The following STIM2 variants were observed in gnomAD, a reference collection of about 807,000 sequenced individuals.
The protein encoded by STIM2 is stromal interaction molecule 2.
STIM2 carries 31 observed loss-of-function variants against 85.8 expected under a neutral mutation model. That is an observed-to-expected ratio of 0.36 (90% CI 0.27 to 0.49). The LOEUF (loss-of-function observed/expected upper bound fraction) is 0.49. Ranked by LOEUF, STIM2 falls within the 20% of genes least tolerant of loss-of-function variation. STIM2 has a pLI of 0.98. For synonymous variants in STIM2, 356 were observed against 331.1 expected (o/e 1.08, Z -0.82); for missense variants, 841 against 927.6 (o/e 0.91, Z 1.21).
chr4:26,872,235 C>T (rs148332412), intron 1 of STIM2, among the ~76,000 whole-genome samples: 11 of 151,634 alleles, frequency 7.3e-5, no homozygotes, highest in East Asian at 3.9e-4. Flanking sequence ...ATGAGTGGTC[C>T]GAGATTAGTT....
At chr4:26,980,502 C>T (rs2109112922) in intron 3 of STIM2, among the ~76,000 whole-genome samples, 1 of 150,506 alleles carries the variant, frequency 6.6e-6, no homozygotes, top group Admixed American at 6.6e-5. Flanking sequence ...CAGTTCGTGC[C>T]TCTGGATCTG....
At chr4:26,929,983 C>G (rs1001108426) in intron 2 of STIM2, among the ~76,000 whole-genome samples, 2 of 152,112 alleles carry the variant, frequency 1.3e-5, no homozygotes, top group African/African-American at 4.8e-5. Context: ...GAATAAATGT[C>G]TGATAACTTT....
chr4:27,002,859 A>G, intron 6 of STIM2, 68 bp from the exon 7 acceptor site: 1 of 1,306,222 alleles, frequency 7.7e-7, no homozygotes, highest in Non-Finnish European at 1.0e-6. Context: ...CCCAGTATTC[A>G]TTATTTTGTA....
chr4:26,888,414 T>C (rs771138170), intron 1 of STIM2, among the ~76,000 whole-genome samples: 8 of 152,210 alleles, frequency 5.3e-5, no homozygotes, highest in Non-Finnish European at 8.8e-5. Context: ...TAAAGTTAGC[T>C]ATTATTAATA....
chr4:26,860,977 G>T lies in STIM2; in HGVS notation c.-242G>T. On this transcript the variant is annotated 5_prime_UTR_variant, in exon 1 of 12. Coordinates refer to ENST00000467087, the MANE Select transcript of STIM2 (RefSeq NM_020860.4). ...GAACCAATGAACGCAGCCGGGATCAGAGCTCCGGAGGCCGCCGGTGCCGAT... is the reference window on the plus strand; with the variant it reads ...GAACCAATGAACGCAGCCGGGATCATAGCTCCGGAGGCCGCCGGTGCCGAT... 7.8e-7 allele frequency: 1 copy of T among 1,276,700 alleles called. No individual in the cohort carries two copies. The highest frequency in any genetic ancestry group is 1.0e-6 in the Non-Finnish European group (1 of 1,000,522). 79.1% of individuals were successfully genotyped at this position (1,276,700 alleles called of 1,614,324 possible).
intron 10 of STIM2, among the ~76,000 whole-genome samples, chr4:27,012,555 T>C (rs759637063): frequency 6.6e-6 from 1 of 152,114 alleles, no homozygotes; most frequent in Non-Finnish European, 1.5e-5. Flanking sequence ...GAAATGCCGT[T>C]GGATTTGGTG....
chr4:26,907,262 A>G (rs1044381320), intron 1 of STIM2, among the ~76,000 whole-genome samples: 1 of 152,210 alleles, frequency 6.6e-6, no homozygotes, highest in African/African-American at 2.4e-5. Context: ...AACACTTAGA[A>G]CTATATAGTT....
At chr4:26,987,391 C>A (rs1727618011) in intron 3 of STIM2, among the ~76,000 whole-genome samples, 1 of 152,116 alleles carries the variant, frequency 6.6e-6, no homozygotes, top group African/African-American at 2.4e-5. Flanking sequence ...TAGAAATTGC[C>A]CTTTTGATAG....
At chr4:26,980,803 A>G (rs1727357163) in intron 3 of STIM2, among the ~76,000 whole-genome samples, 1 of 152,212 alleles carries the variant, frequency 6.6e-6, no homozygotes, top group Non-Finnish European at 1.5e-5. Flanking sequence ...AAAAGGTATC[A>G]TAAGTATTTT....
intron 1 of STIM2, among the ~76,000 whole-genome samples, chr4:26,891,600 C>G (rs1446083420): frequency 6.9e-6 from 1 of 145,092 alleles, no homozygotes; most frequent in African/African-American, 2.7e-5. Context: ...CACACACACC[C>G]CCTTTTGGTT....
intron 11 of STIM2, chr4:27,021,069 G>A (rs1728891595): frequency 6.6e-7 from 1 of 1,520,516 alleles, no homozygotes; most frequent in Admixed American, 2.0e-5. Context: ...AAAAAAAAAA[G>A]TGAGTAAGAT....
intron 2 of STIM2, among the ~76,000 whole-genome samples, chr4:26,931,980 A>G (rs1017570590): frequency 6.6e-6 from 1 of 152,334 alleles, no homozygotes; most frequent in East Asian, 1.9e-4. Context: ...AAATTTATAG[A>G]TTTATATACT....
chr4:27,014,003 A>C (rs1728647662), intron 10 of STIM2, among the ~76,000 whole-genome samples: 2 of 152,050 alleles, frequency 1.3e-5, no homozygotes, highest in African/African-American at 4.8e-5. Context: ...CTGAGTTTTA[A>C]AATTTATTGG....
chr4:26,953,699 A>T (rs1019602591), intron 2 of STIM2, among the ~76,000 whole-genome samples: 2 of 152,048 alleles, frequency 1.3e-5, no homozygotes, highest in African/African-American at 4.8e-5. Flanking sequence ...TCCTGGTGCT[A>T]TGTCTTTCCC....
At chr4:26,955,693 G>A (rs1308589183) in intron 2 of STIM2, among the ~76,000 whole-genome samples, 1 of 147,966 alleles carries the variant, frequency 6.8e-6, no homozygotes, top group Non-Finnish European at 1.5e-5. Flanking sequence ...GATTTTTTTA[G>A]TTTAGTACTT....
chr4:26,920,454 C>T (rs1173169090), intron 2 of STIM2, among the ~76,000 whole-genome samples: 2 of 152,188 alleles, frequency 1.3e-5, no homozygotes, highest in Non-Finnish European at 2.9e-5. Context: ...AAGTTGGCTT[C>T]TTTGAGTGTT....
At chr4:26,903,433 GA>G (rs774572684) in intron 1 of STIM2, among the ~76,000 whole-genome samples, 8 of 152,034 alleles carry the variant, frequency 5.3e-5, no homozygotes, top group Non-Finnish European at 1.0e-4. Flanking sequence ...ACTTGTACTT[GA>G]TTTTTGCAAA....
At chr4:26,995,706 G>A (rs995024108) in intron 4 of STIM2, among the ~76,000 whole-genome samples, 1 of 151,862 alleles carries the variant, frequency 6.6e-6, no homozygotes, top group Non-Finnish European at 1.5e-5. Context: ...TATTTCCAAG[G>A]AACATGATTT....
intron 2 of STIM2, among the ~76,000 whole-genome samples, chr4:26,955,680 A>G (rs1308376831): frequency 6.7e-6 from 1 of 148,326 alleles, no homozygotes; most frequent in African/African-American, 2.6e-5. Flanking sequence ...AACAGATTAC[A>G]TAGATTTTTT....
Sources: gnomAD v4.1 joint callset for allele counts (sites outside exome capture counted in the v4.1 genomes callset) on GRCh38, gnomAD v4.1.1 for gene constraint, MANE v1.5 for transcripts, NCBI Gene and HGNC (gene_info 2026-07-23, HGNC 2026-07-21) for gene names.